Variants in CSMD1 observed in about 807,000 individuals in gnomAD.
CSMD1 encodes CUB and sushi domain-containing protein 1.
CSMD1 carries 213 observed loss-of-function variants against 417.5 expected under a neutral mutation model. The observed-to-expected ratio is 0.51, with a 90% CI of 0.46 to 0.57. The LOEUF (loss-of-function observed/expected upper bound fraction) is 0.57, where lower values mean the gene tolerates loss of function less well. CSMD1 is among the 20% of genes least tolerant of loss of function. The pLI is 0.00. For synonymous variants in CSMD1, 2,862 were observed against 1,736.8 expected, an observed-to-expected ratio of 1.65 and a Z score of -16.11; for missense variants, 6,923 against 4,529.7, an observed-to-expected ratio of 1.53 and a Z score of -15.17.
At position 3,396,157 on chromosome 8, in the gene CSMD1, C is replaced by G. The variant is rs1811684972; in HGVS notation, c.2593+37G>C. 2.6e-6 allele frequency: 4 copies of G among 1,528,368 alleles called. No homozygotes were observed. In the East Asian group the frequency reaches 7.3e-5, roughly 28 times the overall value. The allele number at this position is 1,528,368 out of a possible 1,614,324, so 94.7% of individuals were successfully genotyped here. A position where few individuals can be genotyped will look rare whatever the true frequency, so the allele number is the denominator to read the frequency against. ...CAGATCTTTAGTTCTCCCATGCATG[C>G]TGCCCTGCCGGGCTGTCAAGGGAAG... On this transcript the variant is annotated intron_variant, in intron 17 of 69. Coordinates refer to ENST00000635120, the MANE Select transcript of CSMD1 (RefSeq NM_033225.6).
At chr8:3,617,945 C>G (rs558261259) in intron 7 of CSMD1, among the ~76,000 whole-genome samples, 2 of 152,072 alleles carry the variant, frequency 1.3e-5, no homozygotes, top group Non-Finnish European at 2.9e-5. Flanking sequence ...ATATGTGGAA[C>G]TCGTGAAGCA....
intron 3 of CSMD1, among the ~76,000 whole-genome samples, chr8:4,302,787 C>G (rs202017515): frequency 6.6e-6 from 1 of 152,154 alleles, no homozygotes; most frequent in East Asian, 1.9e-4. Flanking sequence ...TTGGCACCGT[C>G]AGCCCCTCTA....
intron 49 of CSMD1, among the ~76,000 whole-genome samples, chr8:3,081,948 T>C (rs1814134363): frequency 6.6e-6 from 1 of 152,174 alleles, no homozygotes; most frequent in Non-Finnish European, 1.5e-5. Context: ...ATCAATTTCA[T>C]GAAGCTTCCT....
chr8:3,434,614 C>T lies in CSMD1; in HGVS notation c.1562-25009G>A, dbSNP rs578228765. ...TCCAGCCTAAAATCATGAGGAAATC[C>T]CATTTATTAGTGTTAAATCTCAACC... On this transcript the variant is annotated intron_variant, in intron 12 of 69. Coordinates refer to ENST00000635120, the MANE Select transcript of CSMD1 (RefSeq NM_033225.6). Among the ~76,000 whole-genome samples the T allele has an allele frequency of 1.5e-4, 23 of 152,162 alleles. No homozygotes were observed. The South Asian group carries it at 1.9e-3, about 12-fold the overall frequency.
intron 7 of CSMD1, among the ~76,000 whole-genome samples, chr8:3,640,847 C>T (rs1006228933): frequency 6.6e-6 from 1 of 151,972 alleles, no homozygotes; most frequent in Non-Finnish European, 1.5e-5. Context: ...GGAATCTTAC[C>T]TCACTACTTT....
chr8:4,426,268 C>G (rs542222160), intron 2 of CSMD1, among the ~76,000 whole-genome samples: 25 of 151,534 alleles, frequency 1.6e-4, no homozygotes, highest in Non-Finnish European at 3.1e-4. Context: ...ATAAGTTATT[C>G]CAATTTCTGT....
chr8:4,007,089 C>T (rs552989132), intron 4 of CSMD1, among the ~76,000 whole-genome samples: 2 of 152,066 alleles, frequency 1.3e-5, no homozygotes, highest in Admixed American at 6.6e-5. Context: ...CCAGCCACCT[C>T]GGCCTCCCAA....
chr8:4,566,582 G>A (rs1331493834), intron 2 of CSMD1, among the ~76,000 whole-genome samples: 1 of 146,658 alleles, frequency 6.8e-6, no homozygotes, highest in Non-Finnish European at 1.5e-5. Context: ...GAACCCAGGA[G>A]GTGGAGCTTG....
intron 23 of CSMD1, among the ~76,000 whole-genome samples, chr8:3,327,228 C>T (rs981361208): frequency 1.1e-4 from 16 of 151,884 alleles, no homozygotes; most frequent in East Asian, 7.8e-4. Flanking sequence ...CTGTAAGCTC[C>T]GCCTCCCAGG....
chr8:3,384,894 A>C (rs1810893112), intron 18 of CSMD1, among the ~76,000 whole-genome samples: 2 of 122,228 alleles, frequency 1.6e-5, no homozygotes, highest in Admixed American at 9.5e-5. Flanking sequence ...AATATATAAT[A>C]TATATTATAT....
At chr8:3,925,242 T>A in intron 5 of CSMD1, among the ~76,000 whole-genome samples, 1 of 152,216 alleles carries the variant, frequency 6.6e-6, no homozygotes, top group East Asian at 1.9e-4. Context: ...CAGCGACCTA[T>A]AAGTAATGCA....
intron 3 of CSMD1, among the ~76,000 whole-genome samples, chr8:4,165,410 C>T (rs1044471013): frequency 6.6e-6 from 1 of 152,172 alleles, no homozygotes; most frequent in Non-Finnish European, 1.5e-5. Flanking sequence ...AAAATATAAG[C>T]ATCATGTTTT....
chr8:2,991,503 A>C (rs1337292678), intron 54 of CSMD1, among the ~76,000 whole-genome samples: 3 of 152,242 alleles, frequency 2.0e-5, no homozygotes, highest in Non-Finnish European at 4.4e-5. Context: ...CTTTTGAAAA[A>C]TCTCAGAGAA....
intron 3 of CSMD1, among the ~76,000 whole-genome samples, chr8:4,168,180 C>A (rs1167847519): frequency 6.6e-6 from 1 of 151,242 alleles, no homozygotes; most frequent in Non-Finnish European, 1.5e-5. Context: ...CACACACATA[C>A]ACACACACGT....
At chr8:4,226,413 C>G (rs1276952583) in intron 3 of CSMD1, among the ~76,000 whole-genome samples, 1 of 152,050 alleles carries the variant, frequency 6.6e-6, no homozygotes. Context: ...AGAAATAAAA[C>G]ATAACATGCA....
chr8:4,451,107 C>A (rs993475331), intron 2 of CSMD1, among the ~76,000 whole-genome samples: 1 of 152,142 alleles, frequency 6.6e-6, no homozygotes, highest in South Asian at 2.1e-4. Flanking sequence ...AGGAGGATTA[C>A]TCCTGAGTTC....
intron 1 of CSMD1, among the ~76,000 whole-genome samples, chr8:4,817,167 A>G (rs1799256836): frequency 2.6e-5 from 4 of 152,220 alleles, no homozygotes; most frequent in African/African-American, 9.6e-5. Flanking sequence ...ACACATGTAT[A>G]CACACTATAC....
rs1393674307 is a variant in CSMD1, at chr8:3,348,174, G to A, written c.3305-13C>T. The A allele has an allele frequency of 1.9e-6, 3 of 1,600,784 alleles. No homozygotes were observed. The highest frequency in any genetic ancestry group is 2.6e-6 in the Non-Finnish European group (3 of 1,173,920). On this transcript the variant is annotated splice_polypyrimidine_tract_variant and intron_variant, in intron 21 of 69. Transcript: ENST00000635120. ...GCTCCACATTCGGCTACAATAAATA[G>A]GACATGAGAGAAAGAGGATTCAAAA... is the stretch of plus-strand genomic sequence containing the variant.
intron 3 of CSMD1, among the ~76,000 whole-genome samples, chr8:4,279,213 C>T (rs1796648520): frequency 6.6e-6 from 1 of 152,166 alleles, no homozygotes; most frequent in African/African-American, 2.4e-5. Flanking sequence ...CACTAACACA[C>T]ACACACAATT....
Sources: allele counts gnomAD v4.1 joint callset (sites outside exome capture counted in the v4.1 genomes callset), GRCh38; gene constraint gnomAD v4.1.1; transcripts MANE v1.5; gene names NCBI Gene and HGNC (gene_info 2026-07-23, HGNC 2026-07-21).